Variants in FARP2 observed in about 807,000 individuals in gnomAD.
FARP2 encodes FERM, ARHGEF and pleckstrin domain-containing protein 2.
Under a neutral mutation model 130.5 loss-of-function variants are expected in FARP2, and 111 were observed. The ratio of observed to expected loss-of-function variants is 0.85; its 90% CI spans 0.73 to 1.00. The LOEUF (loss-of-function observed/expected upper bound fraction) is 1.00. Among genes scored for constraint, FARP2 ranks in the 50% least tolerant of loss-of-function variants. The pLI, the probability that FARP2 is intolerant of heterozygous loss-of-function variation, is 0.00. For synonymous variants in FARP2, 504 were observed against 516.9 expected (o/e 0.98, Z 0.34); for missense variants, 1,385 against 1,346.3 (o/e 1.03, Z -0.45).
At chr2:241,393,219 C>T (rs1285936467) in intron 2 of FARP2, among the ~76,000 whole-genome samples, 1 of 151,916 alleles carries the variant, frequency 6.6e-6, no homozygotes, top group African/African-American at 2.4e-5. Flanking sequence ...AGGGTTTCAC[C>T]TTGTTGGTAA....
chr2:241,428,015 C>T (rs994773376), intron 8 of FARP2, among the ~76,000 whole-genome samples: 6 of 152,078 alleles, frequency 3.9e-5, no homozygotes. Context: ...ATCCGCCCGC[C>T]TTGGCCTCCC....
At position 241,456,915 on chromosome 2, in the gene FARP2, G is replaced by A; in HGVS notation, c.1580G>A (p.Arg527Lys). ...GGAGMDCEEP[R>K]HKRVPADEAY... ...GCCGGGATGGACTGCGAGGAGCCCA[G>A]ACACAAGGTGGGCCCCTCGAGGCTG... Residue 527 changes from arginine to lysine, a missense_variant, in exon 14 of 27, where the codon AGA becomes AAA. By Grantham distance (26) the Arg-to-Lys change is conservative. Coordinates refer to ENST00000264042, the MANE Select transcript of FARP2 (RefSeq NM_014808.4). The A allele has an allele frequency of 6.3e-7, 1 of 1,594,142 alleles. No individual in the cohort carries two copies. Among genetic ancestry groups the A allele is most frequent in the Non-Finnish European group, 8.5e-7 (1 of 1,169,688 alleles).
chr2:241,493,158 G>A, intron 25 of FARP2, 122 bp downstream of exon 25: 2 of 1,175,050 alleles, frequency 1.7e-6, no homozygotes, highest in Non-Finnish European at 2.5e-6. Context: ...CACACCCTGT[G>A]CTGTGTGAAC....
intron 12 of FARP2, among the ~76,000 whole-genome samples, chr2:241,437,624 C>T (rs572527612): frequency 1.5e-4 from 23 of 150,776 alleles, no homozygotes; most frequent in African/African-American, 5.6e-4. Flanking sequence ...TACCATCATG[C>T]CTCGCTGACA....
At chr2:241,435,154 C>T (rs1005403759) in intron 11 of FARP2, 124 bp downstream of exon 11, 4 of 557,880 alleles carry the variant, frequency 7.2e-6, no homozygotes, top group Admixed American at 7.7e-5. Flanking sequence ...AATACAGTGG[C>T]ATGATCACGG....
At chr2:241,490,190 A>G in intron 22 of FARP2, 146 bp downstream of exon 22, 2 of 637,230 alleles carry the variant, frequency 3.1e-6, no homozygotes, top group African/African-American at 1.8e-5. Context: ...CTCTGCTTCC[A>G]AGTCACACAA....
At chr2:241,395,909 G>A (rs369476261) in intron 2 of FARP2, 1 of 152,088 alleles carries the variant, frequency 6.6e-6, no homozygotes, top group Non-Finnish European at 1.5e-5. Flanking sequence ...AGAGTGTGGT[G>A]ATCTAATTAT....
chr2:241,445,021 C>T (rs919742845), intron 13 of FARP2: 3 of 152,192 alleles, frequency 2.0e-5, no homozygotes, highest in Non-Finnish European at 4.4e-5. Flanking sequence ...CCTCAACCTC[C>T]TGGGCTCAAG....
At chr2:241,406,594 G>A (rs1243496334) in intron 4 of FARP2, among the ~76,000 whole-genome samples, 2 of 151,344 alleles carry the variant, frequency 1.3e-5, no homozygotes, top group Non-Finnish European at 1.5e-5. Context: ...CTTCAGGCAT[G>A]CGCCACCATA....
rs2064889686 is a variant in FARP2 at position 241,491,174 on chromosome 2, C to G, written c.2618C>G (p.Pro873Arg). ...ALPGRTVCTR[P>R]PRSPNEVSLE... Reference sequence around the variant, plus strand: ...CCAGGCCGCACTGTGTGCACTCGTCCCCCCAGTGAGTGCTGGCCACAACCC... The same window carrying G: ...CCAGGCCGCACTGTGTGCACTCGTCGCCCCAGTGAGTGCTGGCCACAACCC... Residue 873 changes from proline (P) to arginine (R), a missense_variant, in exon 23 of 27, where the codon CCC (proline) becomes CGC (arginine). Physicochemically the swap from Pro to Arg is moderately radical, Grantham distance 103. Transcript: ENST00000264042. 1 of 1,607,412 alleles carries G rather than the reference C, an allele frequency of 6.2e-7. No individual in the cohort carries two copies. Among genetic ancestry groups the G allele is most frequent in the African/African-American group, 1.3e-5 (1 of 74,800 alleles).
intron 21 of FARP2, chr2:241,489,318 T>C (rs2064837080): frequency 6.6e-6 from 1 of 152,262 alleles, no homozygotes; most frequent in African/African-American, 2.4e-5. Context: ...TAACACAGTT[T>C]CCTTCTGTTT....
At chr2:241,391,659 C>G (rs180785844) in intron 2 of FARP2, among the ~76,000 whole-genome samples, 2 of 152,300 alleles carry the variant, frequency 1.3e-5, no homozygotes, top group Admixed American at 1.3e-4. Context: ...AAGTGAACCT[C>G]CATTTAATGA....
chr2:241,442,038 C>T (rs1311792288), intron 13 of FARP2: 2 of 359,266 alleles, frequency 5.6e-6, no homozygotes, highest in Non-Finnish European at 1.1e-5. Flanking sequence ...AGGAAAGTGA[C>T]TTCAATGGGA....
At chr2:241,466,178 C>G in intron 17 of FARP2, 1 of 1,056,260 alleles carries the variant, frequency 9.5e-7, no homozygotes, top group Non-Finnish European at 1.1e-6. Context: ...GATCAGGGAC[C>G]ACCCCCTCAC....
intron 23 of FARP2, 87 bp downstream of exon 23, chr2:241,491,266 C>T: frequency 9.8e-7 from 1 of 1,015,942 alleles, no homozygotes; most frequent in Non-Finnish European, 1.5e-6. Flanking sequence ...TCCCCATTGG[C>T]CCGCTAAGTT....
chr2:241,367,790 C>T (rs570859483), intron 1 of FARP2, among the ~76,000 whole-genome samples: 54 of 152,078 alleles, frequency 3.6e-4, no homozygotes, highest in African/African-American at 1.2e-3. Flanking sequence ...GCTGATTTTC[C>T]AGCAGAAGGG....
intron 8 of FARP2, among the ~76,000 whole-genome samples, chr2:241,423,225 C>A (rs765749827): frequency 1.4e-4 from 22 of 152,118 alleles, no homozygotes; most frequent in African/African-American, 7.2e-5. Flanking sequence ...AAGGCCAGGT[C>A]ATCTACAAAG....
intron 2 of FARP2, among the ~76,000 whole-genome samples, chr2:241,392,806 G>A (rs1440939889): frequency 1.3e-5 from 2 of 151,840 alleles, no homozygotes; most frequent in Non-Finnish European, 2.9e-5. Flanking sequence ...ATCTGGGTGT[G>A]GTGATGTATG....
Position 241,369,234 on chromosome 2 carries a change from T to C in FARP2, c.-24-3850T>C, listed in dbSNP as rs141291000. ...TGTTTTTTATTTGTCTAGTGTGTCA[T>C]GTTCTCGTGGAAGAGGAAGCAATGT... On this transcript the variant is annotated intron_variant, in intron 1 of 26. Coordinates refer to ENST00000264042, the MANE Select transcript of FARP2 (RefSeq NM_014808.4). 2.6e-5 allele frequency among the ~76,000 whole-genome samples: 4 copies of C among 152,300 alleles called. No homozygotes were observed. The East Asian group carries it at 7.7e-4, about 29-fold the overall frequency.
Sources: gnomAD v4.1 joint callset for allele counts (sites outside exome capture counted in the v4.1 genomes callset) on GRCh38, gnomAD v4.1.1 for gene constraint, MANE v1.5 for transcripts, NCBI Gene and HGNC (gene_info 2026-07-23, HGNC 2026-07-21) for gene names.